Variants in PCDHA7 observed in about 807,000 individuals in gnomAD.
PCDHA7 encodes the protein protocadherin alpha 7, also known as protocadherin alpha-7.
PCDHA7 carries 37 observed loss-of-function variants against 57.2 expected under a neutral mutation model. That is an observed-to-expected ratio of 0.65 (90% CI 0.50 to 0.85). The LOEUF is 0.85. Among genes scored for constraint, PCDHA7 ranks in the 40% least tolerant of loss-of-function variants. The pLI is 0.00. For missense variants in PCDHA7, 1,188 were observed against 1,241.8 expected (o/e 0.96, Z 0.65); for synonymous variants, 553 against 558.8 (o/e 0.99, Z 0.15).
intron 1 of PCDHA7, among the ~76,000 whole-genome samples, chr5:140,950,457 A>C (rs1392302571): frequency 6.6e-6 from 1 of 152,048 alleles, no homozygotes; most frequent in Non-Finnish European, 1.5e-5. Flanking sequence ...ACTGTCTTCT[A>C]ATGCTCATAG....
Position 141,010,424 on chromosome 5 carries a change from C to A in PCDHA7, c.*487C>A. ...CTTAGACTAATTGGTACAAGGAAGGCAAGAAAACAAAGACAAATAAACAGC... is the reference window on the plus strand; with the variant it reads ...CTTAGACTAATTGGTACAAGGAAGGAAAGAAAACAAAGACAAATAAACAGC... On this transcript the variant is annotated 3_prime_UTR_variant, in exon 4 of 4. Transcript: ENST00000525929. The A allele has an allele frequency of 9.0e-7, 1 of 1,113,698 alleles. No homozygotes were observed. The highest frequency in any genetic ancestry group is 1.2e-6 in the Non-Finnish European group (1 of 808,116). 69.0% of individuals were successfully genotyped at this position (1,113,698 alleles called of 1,614,324 possible). A position where few individuals can be genotyped will look rare whatever the true frequency, so the allele number is the denominator to read the frequency against.
At chr5:140,837,919 TC>T (rs1554136703) in intron 1 of PCDHA7, among the ~76,000 whole-genome samples, 1 of 151,862 alleles carries the variant, frequency 6.6e-6, no homozygotes, top group African/African-American at 2.4e-5. Context: ...CTTCAAGCGA[TC>T]CTCCTACCTT....
intron 1 of PCDHA7, chr5:140,884,356 C>T: frequency 6.2e-7 from 1 of 1,613,936 alleles, no homozygotes; most frequent in South Asian, 1.1e-5. Flanking sequence ...TGGTGGATGT[C>T]AATGTTTACT....
intron 3 of PCDHA7, among the ~76,000 whole-genome samples, chr5:140,997,684 G>A (rs2097780776): frequency 6.6e-6 from 1 of 152,116 alleles, no homozygotes; most frequent in African/African-American, 2.4e-5. Context: ...GTGTGTGTGT[G>A]TGTGTGTGTG....
At chr5:140,861,726 T>C (rs571512824) in intron 1 of PCDHA7, 11 of 216,910 alleles carry the variant, frequency 5.1e-5, no homozygotes, top group African/African-American at 2.6e-4. Flanking sequence ...AATGCTCTGA[T>C]GACTTACATA....
At chr5:141,005,548 A>G (rs970223535) in intron 3 of PCDHA7, among the ~76,000 whole-genome samples, 2 of 151,322 alleles carry the variant, frequency 1.3e-5, no homozygotes, top group African/African-American at 4.9e-5. Flanking sequence ...CTAAAAATAC[A>G]AAAATTAGCC....
At chr5:140,995,390 C>A (rs1198231096) in intron 3 of PCDHA7, among the ~76,000 whole-genome samples, 1 of 152,088 alleles carries the variant, frequency 6.6e-6, no homozygotes, top group Non-Finnish European at 1.5e-5. Flanking sequence ...CAGGATAAAG[C>A]GGGATGGCTC....
intron 1 of PCDHA7, chr5:140,883,514 G>A: frequency 6.2e-7 from 1 of 1,614,220 alleles, no homozygotes; most frequent in Non-Finnish European, 8.5e-7. Context: ...CCTGGACCGC[G>A]AGAGCGTATC....
rs1772899849 is a variant in PCDHA7, at chr5:140,834,316, G to A, written c.-68G>A. The A allele has an allele frequency of 7.3e-7, 1 of 1,378,132 alleles. No individual in the cohort carries two copies. The highest frequency in any genetic ancestry group is 1.0e-6 in the Non-Finnish European group (1 of 1,003,712). The allele number at this position is 1,378,132 out of a possible 1,614,324, so 85.4% of individuals were successfully genotyped here. ...GCCACACATCGAGATTGAAATGAAG[G>A]GATAAAAACATTCCTATAAATTCGA... On this transcript the variant is annotated 5_prime_UTR_variant, in exon 1 of 4. Transcript: ENST00000525929.
chr5:140,877,743 G>C, intron 1 of PCDHA7: 1 of 1,614,148 alleles, frequency 6.2e-7, no homozygotes, highest in Non-Finnish European at 8.5e-7. Flanking sequence ...GGAGGCAGAG[G>C]GTGTGCTCTG....
At chr5:140,990,134 CAA>C (rs2097375582) in intron 3 of PCDHA7, among the ~76,000 whole-genome samples, 2 of 151,958 alleles carry the variant, frequency 1.3e-5, no homozygotes, top group Non-Finnish European at 2.9e-5. Flanking sequence ...AAGTCAGACT[CAA>C]GAGGCATAAT....
chr5:140,844,793 A>G (rs1417087435), intron 1 of PCDHA7, among the ~76,000 whole-genome samples: 1 of 149,016 alleles, frequency 6.7e-6, no homozygotes, highest in Non-Finnish European at 1.5e-5. Context: ...ATCTTTCAAC[A>G]TTTTCTTTCT....
intron 1 of PCDHA7, among the ~76,000 whole-genome samples, chr5:140,935,284 A>G (rs576807866): frequency 6.6e-6 from 1 of 152,340 alleles, no homozygotes; most frequent in South Asian, 2.1e-4. Context: ...AATAAAGTTC[A>G]GCACTCCGAG....
intron 1 of PCDHA7, among the ~76,000 whole-genome samples, chr5:140,910,654 C>T (rs961570287): frequency 1.3e-5 from 2 of 152,218 alleles, no homozygotes; most frequent in African/African-American, 2.4e-5. Flanking sequence ...TTGATCCCTT[C>T]CTCTACATTA....
chr5:140,997,711 C>T (rs963457412), intron 3 of PCDHA7, among the ~76,000 whole-genome samples: 4 of 151,080 alleles, frequency 2.6e-5, no homozygotes. Flanking sequence ...TTAACAAACA[C>T]CTTTCTACGT....
intron 1 of PCDHA7, chr5:140,842,858 G>A (rs2150346522): frequency 1.3e-6 from 2 of 1,594,076 alleles, no homozygotes; most frequent in South Asian, 2.2e-5. Context: ...GGTGCACACG[G>A]AGAGCGGCAA....
At chr5:140,876,906 G>C (rs782762108) in intron 1 of PCDHA7, 10 of 1,613,910 alleles carry the variant, frequency 6.2e-6, no homozygotes, top group Middle Eastern at 3.3e-4. Flanking sequence ...TCACGGTGTC[G>C]GCATGGGACG....
At chr5:140,893,612 T>C (rs1455928353) in intron 1 of PCDHA7, among the ~76,000 whole-genome samples, 1 of 152,240 alleles carries the variant, frequency 6.6e-6, no homozygotes, top group Non-Finnish European at 1.5e-5. Flanking sequence ...CCTTCATTTC[T>C]GAAGTATAGC....
chr5:140,884,265 T>A, intron 1 of PCDHA7: 1 of 1,613,432 alleles, frequency 6.2e-7, no homozygotes, highest in Middle Eastern at 1.6e-4. Context: ...GCAACGGTGC[T>A]GTTGTCGCTG....
Sources: allele counts gnomAD v4.1 joint callset (sites outside exome capture counted in the v4.1 genomes callset), GRCh38; gene constraint gnomAD v4.1.1; transcripts MANE v1.5; gene names NCBI Gene and HGNC (gene_info 2026-07-23, HGNC 2026-07-21).